PRPF6: variants seen among roughly 807,000 people sequenced by gnomAD.
PRPF6 encodes pre-mRNA-processing factor 6.
In PRPF6, 42 loss-of-function variants were observed where a neutral mutation model predicts 118.3. The observed-to-expected ratio is 0.35, with a 90% CI of 0.28 to 0.46. PRPF6 has a LOEUF of 0.46. PRPF6 is among the 20% of genes least tolerant of loss of function. The pLI is 1.00. For synonymous variants in PRPF6, 481 were observed against 485.1 expected (o/e 0.99, Z 0.11); for missense variants, 662 against 1,255.7 (o/e 0.53, Z 7.15).
At chr20:63,982,211 C>T (rs1048736330) in intron 1 of PRPF6, among the ~76,000 whole-genome samples, 1 of 152,106 alleles carries the variant, frequency 6.6e-6, no homozygotes, top group Non-Finnish European at 1.5e-5. Flanking sequence ...CTTGTTCTGT[C>T]GCCCAAGCTG....
intron 11 of PRPF6, among the ~76,000 whole-genome samples, chr20:64,015,533 C>A (rs2059233013): frequency 6.6e-6 from 1 of 152,200 alleles, no homozygotes; most frequent in Non-Finnish European, 1.5e-5. Flanking sequence ...CGCAGTGGTG[C>A]CTGTGCTCCT....
At chr20:63,993,656 A>G (rs1601513033) in intron 4 of PRPF6, among the ~76,000 whole-genome samples, 171 bp downstream of exon 4, 1 of 149,960 alleles carries the variant, frequency 6.7e-6, no homozygotes, top group African/African-American at 2.4e-5. Context: ...ATATGTGTGT[A>G]AAAAAAAACC....
chr20:63,985,084 C>G (rs751171455), intron 3 of PRPF6, 59 bp downstream of exon 3: 1 of 1,413,218 alleles, frequency 7.1e-7, no homozygotes, highest in Non-Finnish European at 9.9e-7. Flanking sequence ...AGTTTTGTGG[C>G]CAGGCGCAGT....
At chr20:64,006,316 CTTT>C (rs5842437) in intron 9 of PRPF6, among the ~76,000 whole-genome samples, 14 of 102,480 alleles carry the variant, frequency 1.4e-4, no homozygotes, top group Admixed American at 3.1e-4. Flanking sequence ...GTAGCTTGCT[CTTT>C]TTTTTTTTTT....
chr20:64,032,564 C>T (rs1261052406), intron 20 of PRPF6, among the ~76,000 whole-genome samples: 1 of 152,238 alleles, frequency 6.6e-6, no homozygotes, highest in Non-Finnish European at 1.5e-5. Context: ...AGAAGGCAGA[C>T]GTGAGCACTT....
rs756887351 is a variant in PRPF6, at chr20:63,995,104, A to G, written c.615+12A>G. ...ATCCCCGACAAACTGTGAGCTTCCAAAAAAGGGCACATGTGGCCCATTTAG... is the reference window on the plus strand; with the variant it reads ...ATCCCCGACAAACTGTGAGCTTCCAGAAAAGGGCACATGTGGCCCATTTAG... On this transcript the variant is annotated intron_variant, in intron 5 of 20. Transcript: ENST00000266079. The G allele has an allele frequency of 1.2e-5, 20 of 1,613,986 alleles. No homozygotes were observed. The Admixed American group carries it at 3.2e-4, about 26-fold the overall frequency.
chr20:63,988,401 G>A (rs886983877), intron 3 of PRPF6, among the ~76,000 whole-genome samples: 9 of 151,994 alleles, frequency 5.9e-5, no homozygotes, highest in Non-Finnish European at 1.2e-4. Context: ...GGAGGCTGAG[G>A]CAGGAGAATC....
At chr20:63,994,828 A>C in intron 4 of PRPF6, 88 bp from the exon 5 acceptor site, 1 of 1,538,328 alleles carries the variant, frequency 6.5e-7, no homozygotes, top group South Asian at 1.1e-5. Flanking sequence ...GGTGATCTGG[A>C]GGCTAGGGGT....
chr20:64,013,314 A>T (rs768745615), intron 11 of PRPF6, among the ~76,000 whole-genome samples: 2 of 152,180 alleles, frequency 1.3e-5, no homozygotes, highest in Admixed American at 6.5e-5. Context: ...GTTCCCTCTA[A>T]TGCCTTCTTT....
At chr20:64,024,279 G>T (rs941050801) in intron 13 of PRPF6, among the ~76,000 whole-genome samples, 2 of 152,132 alleles carry the variant, frequency 1.3e-5, no homozygotes, top group Non-Finnish European at 2.9e-5. Flanking sequence ...CAGGACACAC[G>T]GCTGTAAAAG....
chr20:63,988,254 ATGT>A (rs1279856711), intron 3 of PRPF6, among the ~76,000 whole-genome samples: 2 of 151,574 alleles, frequency 1.3e-5, no homozygotes, highest in Non-Finnish European at 1.5e-5. Context: ...TAGGAGGCAA[ATGT>A]TGTAGTGAGC....
At chr20:64,002,886 C>A (rs1037641248) in intron 9 of PRPF6, among the ~76,000 whole-genome samples, 2 of 151,422 alleles carry the variant, frequency 1.3e-5, no homozygotes, top group Admixed American at 1.3e-4. Flanking sequence ...TCAAGTGATC[C>A]ACCCACCTCG....
chr20:64,009,009 G>C (rs996988406), intron 9 of PRPF6, among the ~76,000 whole-genome samples: 5 of 152,008 alleles, frequency 3.3e-5, no homozygotes, highest in Admixed American at 3.3e-4. Flanking sequence ...TTTAGGTCGG[G>C]CGTGGTGGCT....
intron 11 of PRPF6, among the ~76,000 whole-genome samples, chr20:64,015,420 A>T (rs1460512353): frequency 1.3e-5 from 2 of 151,874 alleles, no homozygotes; most frequent in African/African-American, 2.4e-5. Flanking sequence ...TCTGTCTGGG[A>T]TGGTTTTCTG....
intron 12 of PRPF6, 85 bp from the exon 13 acceptor site, chr20:64,022,672 A>G (rs1244932169): frequency 1.3e-6 from 2 of 1,577,770 alleles, no homozygotes; most frequent in Non-Finnish European, 1.7e-6. Context: ...ATCTTTCAGA[A>G]TCGTATGAGC....
chr20:64,027,584 TCTTA>T lies in PRPF6; in HGVS notation c.2206-15_2206-12del. On this transcript the variant is annotated splice_polypyrimidine_tract_variant and intron_variant, in intron 16 of 20. Coordinates refer to ENST00000266079, the MANE Select transcript of PRPF6 (RefSeq NM_012469.4). The surrounding 1 kb of genome is among the most constrained non-coding windows in gnomAD (Gnocchi z 6.5). ...TTCATAGACACCACCTGAGCTGCTC[TCTTA>T]CTTGTTGGTTGCAGTTGAAGAAGTG... The T allele has an allele frequency of 1.2e-6, 2 of 1,614,084 alleles. No homozygotes were observed. The highest frequency in any genetic ancestry group is 1.7e-6 in the Non-Finnish European group (2 of 1,180,026).
In PRPF6 at chr20:64,027,721, A is replaced by G; in HGVS notation, c.2324A>G (p.Lys775Arg). ...GAAAAGTCTCGTCTGAAGAACCCAA[A>G]GAACCCTGGGCTGTGGTGAGTCCTG... ...ILEKSRLKNP[K>R]NPGLWLESVR... Residue 775 changes from lysine to arginine, a missense_variant, in exon 17 of 21, where the codon AAG becomes AGG. Around this residue, in one of 10 missense-constraint regions of PRPF6, gnomAD observed 244 missense variants for 383.7 expected, o/e 0.64. Coordinates refer to ENST00000266079, the MANE Select transcript of PRPF6 (RefSeq NM_012469.4). This position sits in a 1 kb window ranked among gnomAD's most constrained non-coding sequence, Gnocchi z 6.5. 6.2e-7 allele frequency: 1 copy of G among 1,614,024 alleles called. No homozygotes were observed. Among genetic ancestry groups the G allele is most frequent in the Non-Finnish European group, 8.5e-7 (1 of 1,180,012 alleles).
At position 63,983,104 on chromosome 20, in the gene PRPF6, T is replaced by C; in HGVS notation, c.129T>C (p.Pro43=). 1.2e-6 allele frequency: 2 copies of C among 1,614,184 alleles called. No homozygotes were observed. Among genetic ancestry groups the C allele is most frequent in the Non-Finnish European group, 1.7e-6 (2 of 1,180,028 alleles). The part of the protein sequence containing the change: ...DIGPARDAND[P]VDDRHAPPGK... ...GGCCCGCCCGTGATGCAAATGACCC[T>C]GTGGATGATCGCCATGCACCCCCAG... Residue 43 remains proline (P), a synonymous_variant, in exon 2 of 21, where the codon CCT becomes CCC. Coordinates refer to ENST00000266079, the MANE Select transcript of PRPF6 (RefSeq NM_012469.4).
intron 8 of PRPF6, 36 bp from the exon 9 acceptor site, chr20:64,001,041 C>A (rs780557213): frequency 6.2e-7 from 1 of 1,610,552 alleles, no homozygotes; most frequent in Admixed American, 1.7e-5. Context: ...TTCCAGCCTG[C>A]ACTGAGCCTT....
Sources: gnomAD v4.1 joint callset for allele counts (sites outside exome capture counted in the v4.1 genomes callset) on GRCh38, gnomAD v4.1.1 for gene constraint, gnomAD v4.1.1 regional missense constraint, Gnocchi (gnomAD v3.1) non-coding constraint, MANE v1.5 for transcripts, NCBI Gene and HGNC (gene_info 2026-07-23, HGNC 2026-07-21) for gene names.